The following FNBP1L variants were observed in gnomAD, a reference collection of about 807,000 sequenced individuals.
The protein encoded by FNBP1L is formin binding protein 1 like, also known as formin-binding protein 1-like.
A neutral mutation model predicts 91.2 loss-of-function variants in FNBP1L; 36 were observed. That is an observed-to-expected ratio of 0.39 (90% CI 0.30 to 0.52). The LOEUF (loss-of-function observed/expected upper bound fraction) is 0.52. Among genes scored for constraint, FNBP1L ranks in the 20% least tolerant of loss-of-function variants. FNBP1L has a pLI of 0.66. For synonymous variants in FNBP1L, 242 were observed against 237.0 expected, an observed-to-expected ratio of 1.02 and a Z score of -0.19; for missense variants, 571 against 732.1, an observed-to-expected ratio of 0.78 and a Z score of 2.54.
intron 12 of FNBP1L, among the ~76,000 whole-genome samples, chr1:93,545,664 A>AAAT (rs1272163813): frequency 6.6e-6 from 1 of 152,146 alleles, no homozygotes; most frequent in Non-Finnish European, 1.5e-5. Context: ...TATGAAGAGT[A>AAAT]AATAGTATAG....
At chr1:93,520,802 G>A (rs1671294446) in intron 2 of FNBP1L, among the ~76,000 whole-genome samples, 1 of 152,090 alleles carries the variant, frequency 6.6e-6, no homozygotes, top group South Asian at 2.1e-4. Flanking sequence ...CAGCACTTTG[G>A]GAGGCTGAGG....
chr1:93,471,961 T>G (rs911164337), intron 1 of FNBP1L, among the ~76,000 whole-genome samples: 3 of 152,180 alleles, frequency 2.0e-5, no homozygotes, highest in Non-Finnish European at 4.4e-5. Context: ...CTTCATTGAT[T>G]ATTGTGATTC....
At chr1:93,468,345 A>G (rs1343360095) in intron 1 of FNBP1L, among the ~76,000 whole-genome samples, 1 of 151,984 alleles carries the variant, frequency 6.6e-6, no homozygotes, top group African/African-American at 2.4e-5. Context: ...TTATTCATCC[A>G]TTCATCTGTT....
chr1:93,511,523 A>T (rs986368755), intron 2 of FNBP1L, among the ~76,000 whole-genome samples: 2 of 152,290 alleles, frequency 1.3e-5, no homozygotes, highest in Non-Finnish European at 2.9e-5. Context: ...AAAGAACATC[A>T]AGACTAGGAA....
At chr1:93,548,981 AC>A (rs1184708763) in intron 14 of FNBP1L, among the ~76,000 whole-genome samples, 1 of 152,112 alleles carries the variant, frequency 6.6e-6, no homozygotes, top group Non-Finnish European at 1.5e-5. Flanking sequence ...AGGGTCTAGA[AC>A]GTTTTTCTGT....
chr1:93,551,310 T>A (rs1672407390), intron 16 of FNBP1L: 4 of 1,255,966 alleles, frequency 3.2e-6, no homozygotes, highest in Non-Finnish European at 4.0e-6. Context: ...GGCACTTTAC[T>A]GTTTGAGTAA....
At position 93,530,772 on chromosome 1, in the gene FNBP1L, T is replaced by C. The variant is rs1248971368; in HGVS notation, c.528T>C (p.Asn176=). The part of the protein sequence containing the change: ...ADVEKAKQQL[N]LRTHMADENK... ...GCCCCTAGGCCAAACAGCAGTTGAA[T>C]CTGCGTACGCATATGGCCGATGAAA... Residue 176 remains asparagine, a synonymous_variant, in exon 7 of 17, where the codon AAT becomes AAC. Coordinates refer to ENST00000271234, the MANE Select transcript of FNBP1L (RefSeq NM_001164473.3). 4.4e-6 allele frequency: 7 copies of C among 1,596,882 alleles called. No individual in the cohort carries two copies. In the Admixed American group the frequency reaches 1.2e-4, roughly 28 times the overall value.
chr1:93,463,997 G>A (rs1570766194), intron 1 of FNBP1L, among the ~76,000 whole-genome samples: 1 of 152,278 alleles, frequency 6.6e-6, no homozygotes, highest in East Asian at 1.9e-4. Context: ...CCAAGATCAT[G>A]TAGAATAGTT....
intron 1 of FNBP1L, among the ~76,000 whole-genome samples, chr1:93,455,389 G>A (rs910456845): frequency 5.3e-5 from 8 of 152,178 alleles, no homozygotes; most frequent in African/African-American, 1.9e-4. Flanking sequence ...AGGTCTCGCT[G>A]TATTGCTCAG....
At chr1:93,510,112 A>T (rs1178292343) in intron 2 of FNBP1L, among the ~76,000 whole-genome samples, 1 of 152,226 alleles carries the variant, frequency 6.6e-6, no homozygotes, top group African/African-American at 2.4e-5. Flanking sequence ...AGCCCACCAC[A>T]GCTCAAGGAG....
At chr1:93,505,332 G>A (rs377188533) in intron 2 of FNBP1L, among the ~76,000 whole-genome samples, 17 of 152,128 alleles carry the variant, frequency 1.1e-4, no homozygotes, top group African/African-American at 3.9e-4. Flanking sequence ...AGAGTACACC[G>A]AACAAAGGAG....
chr1:93,538,127 C>T (rs942664912), intron 10 of FNBP1L, among the ~76,000 whole-genome samples: 1 of 151,632 alleles, frequency 6.6e-6, no homozygotes, highest in African/African-American at 2.4e-5. Context: ...TCATATTTTA[C>T]ACTATATAGT....
chr1:93,515,869 C>G (rs913747926), intron 2 of FNBP1L, among the ~76,000 whole-genome samples: 3 of 152,024 alleles, frequency 2.0e-5, no homozygotes, highest in East Asian at 1.9e-4. Context: ...ACATATGTAG[C>G]TAACTTGCAC....
At chr1:93,508,376 C>A (rs916571141) in intron 2 of FNBP1L, among the ~76,000 whole-genome samples, 2 of 152,044 alleles carry the variant, frequency 1.3e-5, no homozygotes, top group African/African-American at 4.8e-5. Flanking sequence ...TGTCTTCTTT[C>A]AGAGCATATG....
At chr1:93,479,241 G>A (rs1669607209) in intron 1 of FNBP1L, among the ~76,000 whole-genome samples, 1 of 152,138 alleles carries the variant, frequency 6.6e-6, no homozygotes, top group Non-Finnish European at 1.5e-5. Context: ...TACGAACAGG[G>A]AGTAAGTCAC....
intron 5 of FNBP1L, among the ~76,000 whole-genome samples, chr1:93,528,243 T>C (rs986950703): frequency 2.0e-5 from 3 of 152,140 alleles, no homozygotes; most frequent in Non-Finnish European, 2.9e-5. Context: ...CTCAGCACAG[T>C]GGGTCCACAT....
intron 1 of FNBP1L, among the ~76,000 whole-genome samples, chr1:93,455,422 C>CA (rs1668630548): frequency 6.6e-6 from 1 of 152,220 alleles, no homozygotes; most frequent in Non-Finnish European, 1.5e-5. Flanking sequence ...CTCCTGGCCT[C>CA]AAGTGACTTT....
chr1:93,493,047 T>A (rs1227185639), intron 1 of FNBP1L, among the ~76,000 whole-genome samples: 4 of 152,166 alleles, frequency 2.6e-5, no homozygotes, highest in African/African-American at 7.2e-5. Context: ...GAGGATCGCT[T>A]GAACTCAGGG....
intron 5 of FNBP1L, 109 bp downstream of exon 5, chr1:93,524,432 T>A: frequency 1.3e-6 from 1 of 741,092 alleles, no homozygotes; most frequent in Non-Finnish European, 2.0e-6. Context: ...AGTGTATTAT[T>A]AATAATTTGA....
Sources: gnomAD v4.1 joint callset for allele counts (sites outside exome capture counted in the v4.1 genomes callset) on GRCh38, gnomAD v4.1.1 for gene constraint, MANE v1.5 for transcripts, NCBI Gene and HGNC (gene_info 2026-07-23, HGNC 2026-07-21) for gene names.